The following ITSN2 variants were observed in gnomAD, a reference collection of about 807,000 sequenced individuals.
ITSN2 encodes intersectin 2.
Under a neutral mutation model 243.7 loss-of-function variants are expected in ITSN2, and 156 were observed. The ratio of observed to expected loss-of-function variants is 0.64; its 90% CI spans 0.56 to 0.73. The LOEUF is 0.73. Among genes scored for constraint, ITSN2 ranks in the 30% least tolerant of loss-of-function variants. The pLI is 0.00. For missense variants in ITSN2, 1,801 were observed against 1,996.1 expected, an observed-to-expected ratio of 0.90 and a Z score of 1.86; for synonymous variants, 703 against 699.9, an observed-to-expected ratio of 1.00 and a Z score of -0.07.
At chr2:24,332,769 G>A (rs1685928296) in intron 1 of ITSN2, among the ~76,000 whole-genome samples, 1 of 152,092 alleles carries the variant, frequency 6.6e-6, no homozygotes, top group Non-Finnish European at 1.5e-5. Flanking sequence ...AATTATAATT[G>A]AAATTTTGAA....
At chr2:24,219,075 T>A (rs1221439362) in intron 30 of ITSN2, among the ~76,000 whole-genome samples, 1 of 152,164 alleles carries the variant, frequency 6.6e-6, no homozygotes, top group Non-Finnish European at 1.5e-5. Flanking sequence ...CCTCCATACA[T>A]GCCATCCCAC....
intron 29 of ITSN2, among the ~76,000 whole-genome samples, chr2:24,233,373 G>A (rs1036596480): frequency 6.6e-6 from 1 of 152,128 alleles, no homozygotes; most frequent in Non-Finnish European, 1.5e-5. Flanking sequence ...CGGTGACACA[G>A]GGATCCCAGT....
At chr2:24,351,086 AG>A in intron 1 of ITSN2, among the ~76,000 whole-genome samples, 2 of 152,252 alleles carry the variant, frequency 1.3e-5, no homozygotes, top group Admixed American at 1.3e-4. Flanking sequence ...CTACCCTACC[AG>A]GTATTTCAAC....
chr2:24,208,859 T>A (rs948125409), intron 36 of ITSN2, among the ~76,000 whole-genome samples: 1 of 152,190 alleles, frequency 6.6e-6, no homozygotes, highest in African/African-American at 2.4e-5. Context: ...CAGGTGCTGA[T>A]CTGCCATTTG....
At chr2:24,208,147 T>TC in intron 37 of ITSN2, 90 bp downstream of exon 37, 1 of 1,117,146 alleles carries the variant, frequency 9.0e-7, no homozygotes, top group South Asian at 1.2e-5. Context: ...TTCAGACCCG[T>TC]CCCTATATCA....
At chr2:24,335,627 C>T (rs903508833) in intron 1 of ITSN2, among the ~76,000 whole-genome samples, 5 of 152,138 alleles carry the variant, frequency 3.3e-5, no homozygotes, top group Admixed American at 1.3e-4. Flanking sequence ...AGCCACTGCA[C>T]CCAGCCTTCC....
At chr2:24,254,563 C>A (rs1028412116) in intron 23 of ITSN2, 132 bp from the exon 24 acceptor site, 3 of 635,306 alleles carry the variant, frequency 4.7e-6, no homozygotes, top group African/African-American at 3.6e-5. Context: ...AGTCTTAGTA[C>A]ACAGAACTGG....
At chr2:24,312,897 C>T (rs1464799361) in intron 4 of ITSN2, among the ~76,000 whole-genome samples, 4 of 151,810 alleles carry the variant, frequency 2.6e-5, no homozygotes, top group East Asian at 3.9e-4. Context: ...AATGAAACTA[C>T]AAAATAACAG....
intron 1 of ITSN2, among the ~76,000 whole-genome samples, chr2:24,345,746 C>A (rs1456799389): frequency 6.6e-6 from 1 of 152,080 alleles, no homozygotes; most frequent in Non-Finnish European, 1.5e-5. Flanking sequence ...TAATAGTAAG[C>A]TTTTACCTGT....
At chr2:24,287,484 T>G (rs568908377) in intron 15 of ITSN2, among the ~76,000 whole-genome samples, 71 of 152,260 alleles carry the variant, frequency 4.7e-4, no homozygotes, top group Non-Finnish European at 6.9e-4. Context: ...TGTAACTGAC[T>G]TACTGCATTT....
intron 1 of ITSN2, among the ~76,000 whole-genome samples, chr2:24,334,003 C>T (rs1366369331): frequency 1.3e-5 from 2 of 152,156 alleles, no homozygotes; most frequent in Admixed American, 6.6e-5. Context: ...GATTCTCCTG[C>T]CTCAGCCTCT....
chr2:24,286,953 C>T (rs920268299), intron 15 of ITSN2, among the ~76,000 whole-genome samples: 7 of 152,142 alleles, frequency 4.6e-5, no homozygotes, highest in African/African-American at 1.7e-4. Context: ...GAATACATTA[C>T]AATAAATTAA....
chr2:24,248,040 T>C (rs1673614265), intron 27 of ITSN2, among the ~76,000 whole-genome samples: 1 of 152,334 alleles, frequency 6.6e-6, no homozygotes, highest in African/African-American at 2.4e-5. Context: ...TTATATCTCT[T>C]GTCATCTTTT....
At chr2:24,306,141 G>C (rs1456142159) in intron 8 of ITSN2, among the ~76,000 whole-genome samples, 3 of 151,966 alleles carry the variant, frequency 2.0e-5, no homozygotes, top group Admixed American at 2.0e-4. Flanking sequence ...CACCACGCCT[G>C]GTTAATTTTT....
At chr2:24,260,963 C>T in intron 22 of ITSN2, 143 bp downstream of exon 22, 1 of 578,198 alleles carries the variant, frequency 1.7e-6, no homozygotes, top group Non-Finnish European at 2.8e-6. Context: ...TCTTCAACTT[C>T]ACATCACATG....
At chr2:24,309,525 A>AT (rs1056761493) in intron 7 of ITSN2, among the ~76,000 whole-genome samples, 18 of 152,244 alleles carry the variant, frequency 1.2e-4, no homozygotes, top group Admixed American at 3.3e-4. Flanking sequence ...TGCATTTTAC[A>AT]TTTTTTTAAA....
Position 24,223,781 on chromosome 2 carries a change from G to A in ITSN2, c.3578-2715C>T, listed in dbSNP as rs533121867. ...GGGGAGGGGAGGGGAGGGGAGTGAG[G>A]GAAGAAGGAAGGAGTGAAAGAAGGA... On this transcript the variant is annotated intron_variant, in intron 29 of 39. Coordinates refer to ENST00000355123, the MANE Select transcript of ITSN2 (RefSeq NM_006277.3). Among the ~76,000 whole-genome samples the A allele has an allele frequency of 1.4e-5, 2 of 146,896 alleles. 1 individual carries two copies. Among genetic ancestry groups the A allele is most frequent in the South Asian group, 4.4e-4 (2 of 4,546 alleles).
At position 24,209,719 on chromosome 2, in the gene ITSN2, G is replaced by A. The variant is rs1221023761; in HGVS notation, c.4473+99C>T. 2.3e-5 allele frequency: 21 copies of A among 898,244 alleles called. No individual in the cohort carries two copies. The Admixed American group carries it at 2.6e-4, about 11-fold the overall frequency. The allele number at this position is 898,244 out of a possible 1,614,324, so 55.6% of individuals were successfully genotyped here. A position where few individuals can be genotyped will look rare whatever the true frequency, so the allele number is the denominator to read the frequency against. ...GAGCGATCTGGAACCAGGTGAGGAG[G>A]GTCCCGTAAGGCCAGCTCAGGGTCT... On this transcript the variant is annotated intron_variant, in intron 35 of 39. Transcript: ENST00000355123.
rs1553355845 is a variant in ITSN2, at chr2:24,251,309, C to CAAAAAAAAAAAAAAAA, written c.3120+1035_3120+1036insTTTTTTTTTTTTTTTT. 3.6e-4 allele frequency among the ~76,000 whole-genome samples: 8 copies of CAAAAAAAAAAAAAAAA among 22,012 alleles called. 3 individuals are homozygous for CAAAAAAAAAAAAAAAA. Among genetic ancestry groups the CAAAAAAAAAAAAAAAA allele is most frequent in the Admixed American group, 1.3e-3 (2 of 1,556 alleles). 14.4% of individuals were successfully genotyped at this position (22,012 alleles called of 152,430 possible). ...TGGGCAACAGAACTAAACTCCATCT[C>CAAAAAAAAAAAAAAAA]AAAAAAAAAAAAAAATAAAATATAT... On this transcript the variant is annotated intron_variant, in intron 25 of 39. Coordinates refer to ENST00000355123, the MANE Select transcript of ITSN2 (RefSeq NM_006277.3).
Sources: gnomAD v4.1 joint callset for allele counts (sites outside exome capture counted in the v4.1 genomes callset) on GRCh38, gnomAD v4.1.1 for gene constraint, MANE v1.5 for transcripts, NCBI Gene and HGNC (gene_info 2026-07-23, HGNC 2026-07-21) for gene names.